Variants in PCDHGA3 observed in about 807,000 individuals in gnomAD.
The protein encoded by PCDHGA3 is protocadherin gamma-A3.
Under a neutral mutation model 58.5 loss-of-function variants are expected in PCDHGA3, and 40 were observed. The observed-to-expected ratio is 0.68, with a 90% CI of 0.53 to 0.89. PCDHGA3 has a LOEUF of 0.89. Ranked by LOEUF, PCDHGA3 falls within the 40% of genes least tolerant of loss-of-function variation. The pLI is 0.00. For synonymous variants in PCDHGA3, 530 were observed against 525.7 expected (o/e 1.01, Z -0.11); for missense variants, 1,223 against 1,195.9 (o/e 1.02, Z -0.33).
At position 141,346,193 on chromosome 5, in the gene PCDHGA3, C is replaced by T. The variant is rs899555613; in HGVS notation, c.2160C>T (p.His720=). ...VLLALRLRRW[H]KSRLLQASGG... is the part of the protein sequence containing the mutation. Reference sequence around the variant, plus strand: ...TGGCGCTCAGGCTGCGGCGCTGGCACAAGTCACGCCTGCTGCAGGCTTCGG... The same window carrying T: ...TGGCGCTCAGGCTGCGGCGCTGGCATAAGTCACGCCTGCTGCAGGCTTCGG... Residue 720 remains histidine, a synonymous_variant, in exon 1 of 4, where the codon CAC becomes CAT. Coordinates refer to ENST00000253812, the MANE Select transcript of PCDHGA3 (RefSeq NM_018916.4). 9 of 1,613,982 alleles carry T rather than the reference C, an allele frequency of 5.6e-6. No individual in the cohort carries two copies. The highest frequency in any genetic ancestry group is 7.6e-6 in the Non-Finnish European group (9 of 1,179,980).
At chr5:141,382,689 T>C in intron 1 of PCDHGA3, 3 of 445,878 alleles carry the variant, frequency 6.7e-6, no homozygotes, top group African/African-American at 2.0e-5. Flanking sequence ...CAGGGAAAAA[T>C]GGTGCGAGAG....
intron 2 of PCDHGA3, among the ~76,000 whole-genome samples, chr5:141,503,456 A>G (rs920770738): frequency 1.3e-5 from 2 of 152,058 alleles, no homozygotes; most frequent in African/African-American, 4.8e-5. Context: ...TTCGCTGGGC[A>G]TGGTGGCATG....
rs764729742 is a variant in PCDHGA3 at position 141,450,826 on chromosome 5, A to ATTT, written c.2425-43979_2425-43978insTTT. On this transcript the variant is annotated intron_variant, in intron 1 of 3. Coordinates refer to ENST00000253812, the MANE Select transcript of PCDHGA3 (RefSeq NM_018916.4). ...TATTTATTTATTTAATATTATTATT[A>ATTT]TTATTTTTTTTTTTTTGAGATGGGG... 5.5e-3 allele frequency among the ~76,000 whole-genome samples: 742 copies of ATTT among 134,318 alleles called. 10 individuals are homozygous for ATTT. The highest frequency in any genetic ancestry group is 0.013 in the Middle Eastern group (3 of 230). 88.1% of individuals were successfully genotyped at this position (134,318 alleles called of 152,430 possible).
Position 141,378,772 on chromosome 5 carries a change from A to G in PCDHGA3, c.2424+32315A>G, listed in dbSNP as rs1588863408. 6 of 152,352 alleles carry G rather than the reference A, an allele frequency of 3.9e-5. No individual in the cohort carries two copies. The South Asian group carries it at 1.2e-3, about 32-fold the overall frequency. 9.4% of individuals were successfully genotyped at this position (152,352 alleles called of 1,614,324 possible). A position where few individuals can be genotyped will look rare whatever the true frequency, so the allele number is the denominator to read the frequency against. ...AAAGGGATTATCATTTAGAAGACTG[A>G]TTAGTCTTATTTATTATGACTGAAA... On this transcript the variant is annotated intron_variant, in intron 1 of 3. Transcript: ENST00000253812.
At chr5:141,383,257 G>C in intron 1 of PCDHGA3, 1 of 1,613,922 alleles carries the variant, frequency 6.2e-7, no homozygotes, top group Non-Finnish European at 8.5e-7. Flanking sequence ...TTACCCTATA[G>C]ACGTGGAAAT....
chr5:141,375,199 C>G lies in PCDHGA3; in HGVS notation c.2424+28742C>G, dbSNP rs188091361. ...CAGTAATCGCCCTTTTTCAAGTGTT[C>G]GATCGAGACTCTGGCCTGAATGGCC... On this transcript the variant is annotated intron_variant, in intron 1 of 3. Coordinates refer to ENST00000253812, the MANE Select transcript of PCDHGA3 (RefSeq NM_018916.4). The G allele has an allele frequency of 5.2e-5, 84 of 1,613,924 alleles. No individual in the cohort carries two copies. In the East Asian group the frequency reaches 1.8e-3, roughly 35 times the overall value.
chr5:141,356,258 C>T, intron 1 of PCDHGA3: 2 of 1,566,144 alleles, frequency 1.3e-6, no homozygotes, highest in Non-Finnish European at 1.7e-6. Flanking sequence ...ACATCTCTCA[C>T]CAGCTCAGTC....
chr5:141,427,712 C>T, intron 1 of PCDHGA3: 2 of 1,051,468 alleles, frequency 1.9e-6, no homozygotes, highest in African/African-American at 1.6e-5. Context: ...GCGCCTCTGA[C>T]CTGGACCTAG....
chr5:141,406,620 C>T (rs1355085005), intron 1 of PCDHGA3, among the ~76,000 whole-genome samples: 1 of 152,148 alleles, frequency 6.6e-6, no homozygotes, highest in Non-Finnish European at 1.5e-5. Flanking sequence ...CTTTTATTCT[C>T]ATATCTTCAA....
intron 1 of PCDHGA3, chr5:141,388,783 C>A: frequency 3.1e-6 from 5 of 1,613,818 alleles, no homozygotes; most frequent in South Asian, 1.1e-5. Context: ...GGGGAAATTA[C>A]TGTTTTAAAT....
At chr5:141,502,575 A>G (rs1314648955) in intron 2 of PCDHGA3, among the ~76,000 whole-genome samples, 2 of 152,208 alleles carry the variant, frequency 1.3e-5, no homozygotes, top group Admixed American at 1.3e-4. Context: ...CATTATAAAA[A>G]TATATTTTTA....
In PCDHGA3 at chr5:141,477,080, A is replaced by G; in HGVS notation, c.2425-17727A>G. 1.9e-6 allele frequency: 3 copies of G among 1,614,254 alleles called. No homozygotes were observed. The highest frequency in any genetic ancestry group is 2.5e-6 in the Non-Finnish European group (3 of 1,180,042). ...GGACACCAAACTCCATGAGATTTAC[A>G]TCCAGGCCAAAGACAAGGGCGCCAA... On this transcript the variant is annotated intron_variant, in intron 1 of 3. Coordinates refer to ENST00000253812, the MANE Select transcript of PCDHGA3 (RefSeq NM_018916.4). The surrounding 1 kb of genome is among the most constrained non-coding windows in gnomAD (Gnocchi z 4.9).
Position 141,375,204 on chromosome 5 carries a change from G to A in PCDHGA3, c.2424+28747G>A, listed in dbSNP as rs368044815. 218 of 1,613,850 alleles carry A rather than the reference G, an allele frequency of 1.4e-4. No individual in the cohort carries two copies. The highest frequency in any genetic ancestry group is 1.7e-4 in the Non-Finnish European group (204 of 1,179,898). ...ATCGCCCTTTTTCAAGTGTTCGATC[G>A]AGACTCTGGCCTGAATGGCCTGGTA... On this transcript the variant is annotated intron_variant, in intron 1 of 3. Coordinates refer to ENST00000253812, the MANE Select transcript of PCDHGA3 (RefSeq NM_018916.4).
At position 141,477,039 on chromosome 5, in the gene PCDHGA3, G is replaced by C. The variant is rs1313580652; in HGVS notation, c.2425-17768G>C. Reference sequence around the variant, plus strand: ...GTAACCGGGATGCTGACAATCAAGGGTCGGCTGGACTTCGAGGACACCAAA... The same window carrying C: ...GTAACCGGGATGCTGACAATCAAGGCTCGGCTGGACTTCGAGGACACCAAA... On this transcript the variant is annotated intron_variant, in intron 1 of 3. Coordinates refer to ENST00000253812, the MANE Select transcript of PCDHGA3 (RefSeq NM_018916.4). This position sits in a 1 kb window ranked among gnomAD's most constrained non-coding sequence, Gnocchi z 4.9. 1 of 1,614,144 alleles carries C rather than the reference G, an allele frequency of 6.2e-7. No individual in the cohort carries two copies. The highest frequency in any genetic ancestry group is 8.5e-7 in the Non-Finnish European group (1 of 1,180,056).
chr5:141,464,913 A>AT (rs1366203949), intron 1 of PCDHGA3, among the ~76,000 whole-genome samples: 2 of 151,546 alleles, frequency 1.3e-5, no homozygotes, highest in South Asian at 4.2e-4. Flanking sequence ...TAATTTTTTT[A>AT]TTTTTTTGTA....
At chr5:141,455,160 G>GT (rs59530096) in intron 1 of PCDHGA3, among the ~76,000 whole-genome samples, 26,536 of 149,098 alleles carry the variant, frequency 0.18, 2,386 homozygotes, top group South Asian at 0.23. Flanking sequence ...TAGTTTGTTG[G>GT]TTTTTTTTTT....
rs267600447 is a variant in PCDHGA3, at chr5:141,344,485, G to A, written c.452G>A (p.Arg151Gln). Reference sequence around the variant, plus strand: ...GGTGAACTAACGGTTCCTGGAACCCGATTTCCAATTAAAACTGCTTTTGAC... The same window carrying A: ...GGTGAACTAACGGTTCCTGGAACCCAATTTCCAATTAAAACTGCTTTTGAC... ...KIGELTVPGT[R>Q]FPIKTAFDPD... The change falls in exon 1 of 4, where the codon CGA (arginine) becomes CAA (glutamine). Residue 151 changes from arginine to glutamine, a missense_variant. Transcript: ENST00000253812. 2 of 1,613,920 alleles carry A rather than the reference G, an allele frequency of 1.2e-6. No homozygotes were observed. Among genetic ancestry groups the A allele is most frequent in the Non-Finnish European group, 1.7e-6 (2 of 1,179,864 alleles).
chr5:141,348,743 A>G (rs1003038486), intron 1 of PCDHGA3, among the ~76,000 whole-genome samples: 3 of 152,246 alleles, frequency 2.0e-5, no homozygotes, highest in Non-Finnish European at 4.4e-5. Flanking sequence ...TCATAGTAAA[A>G]GGAATGGAAA....
At chr5:141,392,465 C>A (rs2092539675) in intron 1 of PCDHGA3, 2 of 174,278 alleles carry the variant, frequency 1.1e-5, no homozygotes, top group Admixed American at 6.2e-5. Flanking sequence ...ACGGATAAAT[C>A]AAATAAATTC....
Sources: gnomAD v4.1 joint callset for allele counts (sites outside exome capture counted in the v4.1 genomes callset) on GRCh38, gnomAD v4.1.1 for gene constraint, Gnocchi (gnomAD v3.1) non-coding constraint, MANE v1.5 for transcripts, NCBI Gene and HGNC (gene_info 2026-07-23, HGNC 2026-07-21) for gene names.